Variants in AQR observed in about 807,000 individuals in gnomAD.
The protein encoded by AQR is aquarius intron-binding spliceosomal factor.
In AQR, 61 loss-of-function variants were observed where a neutral mutation model predicts 180.5. The ratio of observed to expected loss-of-function variants is 0.34; its 90% CI spans 0.28 to 0.42. The LOEUF (loss-of-function observed/expected upper bound fraction) is 0.42. Ranked by LOEUF, AQR falls within the 10% of genes least tolerant of loss-of-function variation. The pLI is 1.00. For synonymous variants in AQR, 551 were observed against 588.8 expected (o/e 0.94, Z 0.93); for missense variants, 1,281 against 1,798.3 (o/e 0.71, Z 5.20).
chr15:34,940,855 T>C, intron 8 of AQR, 44 bp downstream of exon 8: 5 of 1,441,964 alleles, frequency 3.5e-6, no homozygotes, highest in Non-Finnish European at 4.9e-6. Flanking sequence ...AGGTCCACAA[T>C]CCAGCATAAT....
intron 7 of AQR, 147 bp downstream of exon 7, chr15:34,941,865 A>G (rs184340814): frequency 2.8e-5 from 12 of 429,952 alleles, no homozygotes; most frequent in African/African-American, 1.0e-4. Flanking sequence ...AATAAAAACT[A>G]TATCTATGAA....
At position 34,874,658 on chromosome 15, in the gene AQR, T is replaced by A; in HGVS notation, c.3425+19A>T. On this transcript the variant is annotated intron_variant, in intron 29 of 34. Coordinates refer to ENST00000156471, the MANE Select transcript of AQR (RefSeq NM_014691.3). Reference sequence around the variant, plus strand: ...AAATGTCCTTAAATGGGAATGATTTTTTTTCCTGTCTCTTTTACCTTGCTC... The same window carrying A: ...AAATGTCCTTAAATGGGAATGATTTATTTTCCTGTCTCTTTTACCTTGCTC... The A allele has an allele frequency of 6.2e-7, 1 of 1,611,262 alleles. No individual in the cohort carries two copies. Among genetic ancestry groups the A allele is most frequent in the Admixed American group, 1.7e-5 (1 of 59,198 alleles).
intron 20 of AQR, among the ~76,000 whole-genome samples, chr15:34,900,328 A>C (rs980020725): frequency 6.6e-6 from 1 of 152,248 alleles, no homozygotes; most frequent in African/African-American, 2.4e-5. Context: ...CTGCCAAGAC[A>C]TATTTTAGTC....
In AQR at chr15:34,893,840, G is replaced by A. The variant is rs115105496; in HGVS notation, c.2461-67C>T. On this transcript the variant is annotated intron_variant, in intron 22 of 34. Transcript: ENST00000156471. ...CAGTTATCACACATTGTTAGAAAAC[G>A]TGAAGTACAGACCTGAAAGATAAAA... 1.5e-3 allele frequency: 1,988 copies of A among 1,345,530 alleles called. 14 individuals carry two copies. The African/African-American group carries it at 0.02, about 13-fold the overall frequency. 83.3% of individuals were successfully genotyped at this position (1,345,530 alleles called of 1,614,324 possible).
Position 34,862,919 on chromosome 15 carries a change from C to T in AQR, c.3977G>A (p.Arg1326His), listed in dbSNP as rs888073425. ...TGGAATTATATGCAAATGAAGGGGG[C>T]GAGCTGTGAGCTGACTGAAAGCTGG... ...LTPAFSQLTA[R>H]PLHLHIIPTE... The change falls in exon 33 of 35, where the codon CGC (arginine) becomes CAC (histidine). Residue 1326 changes from arginine to histidine, a missense_variant. By Grantham distance (29) the Arg-to-His change is conservative. Coordinates refer to ENST00000156471, the MANE Select transcript of AQR (RefSeq NM_014691.3). The T allele has an allele frequency of 1.2e-6, 2 of 1,613,752 alleles. No homozygotes were observed. Among genetic ancestry groups the T allele is most frequent in the Non-Finnish European group, 1.7e-6 (2 of 1,179,824 alleles).
At chr15:34,861,182 A>G (rs1892666388) in intron 33 of AQR, among the ~76,000 whole-genome samples, 1 of 152,244 alleles carries the variant, frequency 6.6e-6, no homozygotes, top group Non-Finnish European at 1.5e-5. Flanking sequence ...AGTTAGAAAT[A>G]ATTTAGTAAA....
chr15:34,943,330 T>C (rs776234457), intron 6 of AQR: 6 of 1,507,446 alleles, frequency 4.0e-6, no homozygotes, highest in East Asian at 2.3e-5. Flanking sequence ...ATGCTGGCTA[T>C]TAAAAGATGC....
chr15:34,967,759 A>G (rs994716208), intron 1 of AQR, among the ~76,000 whole-genome samples: 3 of 152,192 alleles, frequency 2.0e-5, no homozygotes, highest in Non-Finnish European at 4.4e-5. Context: ...ACACAACACT[A>G]TGAAGGATTT....
chr15:34,886,637 C>A lies in AQR; in HGVS notation c.2706G>T (p.Leu902=). 5.0e-6 allele frequency: 8 copies of A among 1,613,420 alleles called. No individual in the cohort carries two copies. Among genetic ancestry groups the A allele is most frequent in the Non-Finnish European group, 6.8e-6 (8 of 1,179,840 alleles). The change falls in exon 25 of 35, where the codon CTG becomes CTT. Residue 902 remains leucine (L), a synonymous_variant. Transcript: ENST00000156471. ...CTTCTAAAAGTTCTATTCTTCGAGCCAGAACATAATTAACTCTTCCATACC... is the reference window on the plus strand; with the variant it reads ...CTTCTAAAAGTTCTATTCTTCGAGCAAGAACATAATTAACTCTTCCATACC... The part of the protein sequence containing the change: ...FSRYGRVNYV[L]ARRIELLEEV...
Position 34,915,189 on chromosome 15 carries a change from AAAAAAACATCCAT to A in AQR, c.1343-23_1343-11del. On this transcript the variant is annotated splice_polypyrimidine_tract_variant and intron_variant, in intron 15 of 34. Coordinates refer to ENST00000156471, the MANE Select transcript of AQR (RefSeq NM_014691.3). Reference sequence around the variant, plus strand: ...GGAAGAGCAAGACAACCTGAAAAGGAAAAAAACATCCATATTTCAATTTTTTTTTTTTTTTGAG... The same window carrying A: ...GGAAGAGCAAGACAACCTGAAAAGGAATTTCAATTTTTTTTTTTTTTTGAG... 6.4e-7 allele frequency: 1 copy of A among 1,574,114 alleles called. No individual in the cohort carries two copies. The highest frequency in any genetic ancestry group is 8.6e-7 in the Non-Finnish European group (1 of 1,167,762).
Position 34,886,538 on chromosome 15 carries a change from G to A in AQR, c.2805C>T (p.Phe935=). 2 of 1,607,170 alleles carry A rather than the reference G, an allele frequency of 1.2e-6. No individual in the cohort carries two copies. Among genetic ancestry groups the A allele is most frequent in the East Asian group, 2.2e-5 (1 of 44,782 alleles). Reference sequence around the variant, plus strand: ...CTTAATATCTTACCTGGTATAAGAAGAAATAGCCTGCAGTTTCACAGGTAT... The same window carrying A: ...CTTAATATCTTACCTGGTATAAGAAAAAATAGCCTGCAGTTTCACAGGTAT... ...ASYTCETAGY[F]FLYQVMSRWE... is the part of the protein sequence containing the mutation. The change falls in exon 25 of 35, where the codon TTC becomes TTT. Residue 935 remains phenylalanine (F), a synonymous_variant. Transcript: ENST00000156471.
At chr15:34,937,212 T>C (rs1010844625) in intron 9 of AQR, among the ~76,000 whole-genome samples, 3 of 151,814 alleles carry the variant, frequency 2.0e-5, no homozygotes, top group African/African-American at 7.3e-5. Context: ...TAATTTTTTG[T>C]CTTTTTAGTA....
rs34949352 is a variant in AQR at position 34,882,465 on chromosome 15, T to TAAAAAAAAAAAAAAAAA, written c.3165+20_3165+36dup. On this transcript the variant is annotated intron_variant, in intron 27 of 34. Transcript: ENST00000156471. ...GAAGTGAGCCAATCTCTGATAATCT[T>TAAAAAAAAAAAAAAAAA]AAAAAAAAAAAAAAAAAAACTACCA... is the stretch of plus-strand genomic sequence containing the variant. The TAAAAAAAAAAAAAAAAA allele has an allele frequency of 9.4e-5, 113 of 1,200,318 alleles. 1 individual carries two copies. In the African/African-American group the frequency reaches 1.8e-3, roughly 19 times the overall value. The allele number at this position is 1,200,318 out of a possible 1,614,324, so 74.4% of individuals were successfully genotyped here.
At chr15:34,938,876 T>C in intron 8 of AQR, 63 bp from the exon 9 acceptor site, 1 of 1,228,314 alleles carries the variant, frequency 8.1e-7, no homozygotes, top group South Asian at 1.3e-5. Flanking sequence ...AAGTAAACTT[T>C]AAATGTTGAC....
Position 34,854,681 on chromosome 15 carries a change from T to C in AQR, c.*2111A>G, listed in dbSNP as rs1892563089. The C allele has an allele frequency of 6.6e-6, 1 of 152,178 alleles. No homozygotes were observed. Among genetic ancestry groups the C allele is most frequent in the South Asian group, 2.1e-4 (1 of 4,828 alleles). 9.4% of individuals were successfully genotyped at this position (152,178 alleles called of 1,614,324 possible). A position where few individuals can be genotyped will look rare whatever the true frequency, so the allele number is the denominator to read the frequency against. On this transcript the variant is annotated 3_prime_UTR_variant, in exon 35 of 35. Transcript: ENST00000156471. ...ATTCTTTTGACAAGGACAAAGGACT[T>C]ACCCATCCATCTTCCACCTAAATTT... is the stretch of plus-strand genomic sequence containing the variant.
At chr15:34,912,408 T>C (rs898707921) in intron 16 of AQR, among the ~76,000 whole-genome samples, 2 of 152,154 alleles carry the variant, frequency 1.3e-5, no homozygotes, top group East Asian at 1.9e-4. Flanking sequence ...CTGAAGGACC[T>C]CTTTACTTAG....
intron 26 of AQR, 30 bp from the exon 27 acceptor site, chr15:34,882,669 T>G (rs746103072): frequency 5.3e-5 from 84 of 1,586,050 alleles, no homozygotes; most frequent in Non-Finnish European, 6.9e-5. Context: ...TGAAAGATAA[T>G]TTTAGGAAAA....
chr15:34,915,441 T>C (rs9920918), intron 15 of AQR, among the ~76,000 whole-genome samples: 115,880 of 151,016 alleles, frequency 0.77, 45,092 homozygotes, highest in Middle Eastern at 0.87. Flanking sequence ...CTGCCCACCT[T>C]GGCCTCCCAA....
At chr15:34,932,956 A>G (rs561088133) in intron 10 of AQR, among the ~76,000 whole-genome samples, 3 of 151,804 alleles carry the variant, frequency 2.0e-5, no homozygotes, top group East Asian at 1.9e-4. Context: ...ACTGTCTCAG[A>G]AAAAAAAAGA....
Sources: gnomAD v4.1 joint callset for allele counts (sites outside exome capture counted in the v4.1 genomes callset) on GRCh38, gnomAD v4.1.1 for gene constraint, MANE v1.5 for transcripts, NCBI Gene and HGNC (gene_info 2026-07-23, HGNC 2026-07-21) for gene names.